GLIS3: variants seen among roughly 807,000 people sequenced by gnomAD.
The protein encoded by GLIS3 is zinc finger protein GLIS3.
In GLIS3, 53 loss-of-function variants were observed where a neutral mutation model predicts 78.6. That is an observed-to-expected ratio of 0.67 (90% CI 0.54 to 0.85). The LOEUF (loss-of-function observed/expected upper bound fraction) is 0.85, where lower values mean the gene tolerates loss of function less well. Ranked by LOEUF, GLIS3 falls within the 40% of genes least tolerant of loss-of-function variation. The pLI, the probability that GLIS3 is intolerant of heterozygous loss-of-function variation, is 0.00. For missense variants in GLIS3, 1,703 were observed against 1,231.1 expected, an observed-to-expected ratio of 1.38 and a Z score of -5.74; for synonymous variants, 684 against 509.9, an observed-to-expected ratio of 1.34 and a Z score of -4.60.
intron 2 of GLIS3, among the ~76,000 whole-genome samples, chr9:4,136,807 A>C (rs1833440559): frequency 6.6e-6 from 1 of 152,304 alleles, no homozygotes; most frequent in East Asian, 1.9e-4. Flanking sequence ...AGCCCTGAAG[A>C]ACTGATTTAA....
chr9:4,189,316 G>A (rs948089115), intron 2 of GLIS3, among the ~76,000 whole-genome samples: 2 of 152,162 alleles, frequency 1.3e-5, no homozygotes, highest in Admixed American at 6.5e-5. Flanking sequence ...TTTTGAGTGA[G>A]TTTCTTAATC....
intron 4 of GLIS3, among the ~76,000 whole-genome samples, chr9:4,112,590 T>G (rs1307635972): frequency 6.6e-6 from 1 of 152,170 alleles, no homozygotes; most frequent in Non-Finnish European, 1.5e-5. Flanking sequence ...ATGATTCCAG[T>G]GTCAGCCAGG....
At chr9:4,402,087 TG>T in the GLIS3 span, among the ~76,000 whole-genome samples, 105 of 152,290 alleles carry the variant, frequency 6.9e-4, no homozygotes, top group African/African-American at 2.3e-3. Flanking sequence ...GGAAAGGCCT[TG>T]GGCAAGACCC....
chr9:4,385,807 AAGAAAAGAAAGAAAG>A, the GLIS3 span, among the ~76,000 whole-genome samples: 14,863 of 74,990 alleles, frequency 0.2, 2,311 homozygotes, highest in Non-Finnish European at 0.23. Context: ...GAAAGAAAGA[AAGAAAAGAAAGAAAG>A]AGAAAAGAAA....
chr9:4,011,625 T>C (rs1357605717), intron 4 of GLIS3, among the ~76,000 whole-genome samples: 1 of 152,182 alleles, frequency 6.6e-6, no homozygotes, highest in African/African-American at 2.4e-5. Context: ...CGAACTGCCC[T>C]GGACCTTCCG....
intron 2 of GLIS3, among the ~76,000 whole-genome samples, chr9:4,210,382 A>G (rs1820274259): frequency 6.6e-6 from 1 of 152,184 alleles, no homozygotes. Flanking sequence ...TGGTGGCCTT[A>G]GTTTATCTTA....
intron 2 of GLIS3, among the ~76,000 whole-genome samples, chr9:4,201,044 T>G (rs889451971): frequency 2.0e-5 from 3 of 152,186 alleles, no homozygotes; most frequent in African/African-American, 7.2e-5. Context: ...TGCAAATCCA[T>G]AGATGTGATT....
chr9:3,840,665 A>G (rs974188354), intron 9 of GLIS3, among the ~76,000 whole-genome samples: 6 of 152,240 alleles, frequency 3.9e-5, no homozygotes, highest in Admixed American at 3.9e-4. Context: ...CAGTGGTTCA[A>G]AAGTTGACCA....
chr9:3,849,993 A>C (rs764741204), intron 9 of GLIS3, among the ~76,000 whole-genome samples: 10 of 152,230 alleles, frequency 6.6e-5, no homozygotes, highest in Non-Finnish European at 1.2e-4. Flanking sequence ...GTGATAAATG[A>C]ACCCCGAAAA....
the GLIS3 span, among the ~76,000 whole-genome samples, chr9:4,415,655 G>A: frequency 1.1e-4 from 17 of 152,180 alleles, no homozygotes; most frequent in Non-Finnish European, 2.2e-4. Flanking sequence ...CAGTGCAAAT[G>A]TGACCTTACA....
chr9:4,365,233 G>A, the GLIS3 span, among the ~76,000 whole-genome samples: 11 of 152,280 alleles, frequency 7.2e-5, no homozygotes, highest in African/African-American at 2.6e-4. Context: ...TCACATGCAT[G>A]GCGTAAGATA....
At chr9:3,837,857 T>C (rs1818449230) in intron 9 of GLIS3, among the ~76,000 whole-genome samples, 1 of 152,192 alleles carries the variant, frequency 6.6e-6, no homozygotes, top group Non-Finnish European at 1.5e-5. Flanking sequence ...TCGTTAAAAC[T>C]CATAGGCTGT....
At chr9:4,164,234 T>C (rs1835712576) in intron 2 of GLIS3, among the ~76,000 whole-genome samples, 1 of 152,202 alleles carries the variant, frequency 6.6e-6, no homozygotes, top group African/African-American at 2.4e-5. Flanking sequence ...AGCTTATCTC[T>C]GTCTCAGGAA....
chr9:3,870,670 A>T (rs1182796690), intron 8 of GLIS3, among the ~76,000 whole-genome samples: 9 of 152,230 alleles, frequency 5.9e-5, no homozygotes, highest in Non-Finnish European at 1.2e-4. Flanking sequence ...CTACCATGAG[A>T]ACAGTATGAG....
intron 4 of GLIS3, among the ~76,000 whole-genome samples, chr9:4,057,059 G>C (rs564589673): frequency 1.3e-5 from 2 of 151,842 alleles, no homozygotes; most frequent in South Asian, 4.2e-4. Flanking sequence ...CCACAACTAG[G>C]CTCCTAAATT....
chr9:4,378,710 G>A, the GLIS3 span, among the ~76,000 whole-genome samples: 4 of 152,142 alleles, frequency 2.6e-5, no homozygotes, highest in African/African-American at 4.8e-5. Context: ...TAAATCCAGA[G>A]GCAGAATGAG....
At chr9:4,368,692 C>A in the GLIS3 span, among the ~76,000 whole-genome samples, 1 of 152,178 alleles carries the variant, frequency 6.6e-6, no homozygotes, top group African/African-American at 2.4e-5. Context: ...TGGCCAAAAC[C>A]TAATGGATGA....
Position 4,088,732 on chromosome 9 carries a change from T to A in GLIS3, c.1710+29036A>T, listed in dbSNP as rs948478889. On this transcript the variant is annotated intron_variant, in intron 4 of 10. Transcript: ENST00000381971. ...AAGGAACCTACAGTTTAGCGTGGCA[T>A]TCCTTGTAAATTTTAGTGCCTTTTA... Among the ~76,000 whole-genome samples the A allele has an allele frequency of 2.8e-4, 43 of 152,350 alleles. 1 individual carries two copies. Among genetic ancestry groups the A allele is most frequent in the African/African-American group, 1.0e-3 (43 of 41,588 alleles).
intron 4 of GLIS3, among the ~76,000 whole-genome samples, chr9:4,015,489 G>A (rs997995145): frequency 2.0e-5 from 3 of 152,162 alleles, no homozygotes; most frequent in African/African-American, 7.2e-5. Flanking sequence ...CATGCTATCT[G>A]AAAACTTTCA....
Sources: gnomAD v4.1 joint callset for allele counts (sites outside exome capture counted in the v4.1 genomes callset) on GRCh38, gnomAD v4.1.1 for gene constraint, MANE v1.5 for transcripts, NCBI Gene and HGNC (gene_info 2026-07-23, HGNC 2026-07-21) for gene names.